Variants in NUP98 observed in about 807,000 individuals in gnomAD.
NUP98 encodes the protein nuclear pore complex protein Nup98-Nup96.
Under a neutral mutation model 191.9 loss-of-function variants are expected in NUP98, and 26 were observed. The observed-to-expected ratio is 0.14, with a 90% CI of 0.10 to 0.19. The LOEUF (loss-of-function observed/expected upper bound fraction) is 0.19. Among genes scored for constraint, NUP98 ranks in the 10% least tolerant of loss-of-function variants. The probability of loss-of-function intolerance (pLI) is 1.00; values close to 1 mark genes in which losing one functional copy is unlikely to be tolerated. For synonymous variants in NUP98, 808 were observed against 778.4 expected (o/e 1.04, Z -0.63); for missense variants, 1,941 against 2,178.8 (o/e 0.89, Z 2.17).
chr11:3,748,024 C>T (rs1439525243), intron 11 of NUP98, among the ~76,000 whole-genome samples: 2 of 152,126 alleles, frequency 1.3e-5, no homozygotes, highest in Non-Finnish European at 1.5e-5. Flanking sequence ...TTGTATTCAT[C>T]TTTTAGTTTA....
chr11:3,711,272 C>T (rs1035120026), intron 20 of NUP98, among the ~76,000 whole-genome samples: 1 of 152,090 alleles, frequency 6.6e-6, no homozygotes, highest in Non-Finnish European at 1.5e-5. Flanking sequence ...ATTTTAAATC[C>T]TTACTACCTC....
intron 18 of NUP98, among the ~76,000 whole-genome samples, chr11:3,717,356 G>A (rs2079221630): frequency 2.0e-5 from 3 of 152,018 alleles, no homozygotes; most frequent in African/African-American, 7.2e-5. Context: ...ATCTGTGTCT[G>A]GTGTACTTTC....
intron 8 of NUP98, among the ~76,000 whole-genome samples, chr11:3,766,575 G>A (rs1164995854): frequency 6.6e-6 from 1 of 151,240 alleles, no homozygotes; most frequent in Non-Finnish European, 1.5e-5. Context: ...TGCAATCCCA[G>A]CTATGTGGGA....
chr11:3,738,350 CA>C (rs1329319949), intron 12 of NUP98, among the ~76,000 whole-genome samples: 4 of 151,972 alleles, frequency 2.6e-5, no homozygotes, highest in Admixed American at 2.6e-4. Context: ...AAAGAAATTT[CA>C]AAATAAAAGA....
intron 28 of NUP98, among the ~76,000 whole-genome samples, chr11:3,690,545 C>T (rs964722936): frequency 1.3e-5 from 2 of 152,194 alleles, no homozygotes; most frequent in African/African-American, 4.8e-5. Flanking sequence ...CAGGCGTGAG[C>T]CACCGCACCC....
rs1479568735 is a variant in NUP98, at chr11:3,700,724, T to C, written c.3628A>G (p.Thr1210Ala). The change falls in exon 24 of 33, where the codon ACT becomes GCT. Residue 1210 changes from threonine (T) to alanine (A), a missense_variant. Transcript: ENST00000324932. Reference sequence around the variant, plus strand: ...GGACACAGTTCATCCACATGGACAGTGCTGTGTTTTAATTTGAGCTCCAGA... The same window carrying C: ...GGACACAGTTCATCCACATGGACAGCGCTGTGTTTTAATTTGAGCTCCAGA... ...TPLELKLKHSTVHVDELCPLI... is the reference protein window; with the variant it reads ...TPLELKLKHSAVHVDELCPLI... The C allele has an allele frequency of 1.2e-6, 2 of 1,613,882 alleles. No individual in the cohort carries two copies. The highest frequency in any genetic ancestry group is 2.2e-5 in the East Asian group (1 of 44,892).
At chr11:3,780,141 T>C (rs991623706) in intron 2 of NUP98, among the ~76,000 whole-genome samples, 5 of 152,042 alleles carry the variant, frequency 3.3e-5, no homozygotes, top group Non-Finnish European at 7.4e-5. Context: ...AATAAAAACT[T>C]CCAAAGGTGA....
At chr11:3,700,390 G>A (rs2134102522) in intron 24 of NUP98, among the ~76,000 whole-genome samples, 1 of 152,028 alleles carries the variant, frequency 6.6e-6, no homozygotes, top group Non-Finnish European at 1.5e-5. Context: ...AGTTCTTTGT[G>A]GAAGAATTTG....
At chr11:3,712,251 A>AC in intron 20 of NUP98, 1 of 1,136,496 alleles carries the variant, frequency 8.8e-7, no homozygotes, top group East Asian at 4.3e-5. Flanking sequence ...GCATGAACCC[A>AC]CATGAGCAAA....
In NUP98 at chr11:3,713,926, T is replaced by C; in HGVS notation, c.2469A>G (p.Pro823=). ...CATAGTTGATATCAGCAAGGCGATC[T>C]GGGCTCTTTATTAAACAACGAGATG... The part of the protein sequence containing the change: ...DKTSRCLIKS[P]DRLADINYEG... Residue 823 remains proline, a synonymous_variant, in exon 19 of 33, where the codon CCA becomes CCG. Transcript: ENST00000324932. 1 of 1,614,184 alleles carries C rather than the reference T, an allele frequency of 6.2e-7. No individual in the cohort carries two copies. Among genetic ancestry groups the C allele is most frequent in the Non-Finnish European group, 8.5e-7 (1 of 1,180,022 alleles).
rs779139306 is a variant in NUP98 at position 3,725,136 on chromosome 11, G to A, written c.1814C>T (p.Ala605Val). 6.3e-7 allele frequency: 1 copy of A among 1,592,308 alleles called. No individual in the cohort carries two copies. The highest frequency in any genetic ancestry group is 1.3e-5 in the African/African-American group (1 of 74,440). ...SPVNRDSENL[A>V]SPSEYPENGE... ...ATTTTCTGGATATTCAGATGGTGAAGCTAGATTTTCTGAATCACGATTAAC... is the reference window on the plus strand; with the variant it reads ...ATTTTCTGGATATTCAGATGGTGAAACTAGATTTTCTGAATCACGATTAAC... Residue 605 changes from alanine to valine, a missense_variant, in exon 15 of 33, where the codon GCT becomes GTT. By Grantham distance (64) the Ala-to-Val change is moderately conservative. Transcript: ENST00000324932.
chr11:3,741,647 G>A (rs2080290581), intron 12 of NUP98, among the ~76,000 whole-genome samples: 1 of 151,980 alleles, frequency 6.6e-6, no homozygotes. Flanking sequence ...CAAAAAGACT[G>A]AGAAGACAAC....
chr11:3,703,671 T>G (rs2078776649), intron 22 of NUP98, among the ~76,000 whole-genome samples: 1 of 152,080 alleles, frequency 6.6e-6, no homozygotes, highest in Non-Finnish European at 1.5e-5. Flanking sequence ...CTTATCAGAA[T>G]CCTAAAGGTA....
At chr11:3,695,345 G>C in intron 26 of NUP98, 104 bp downstream of exon 26, 4 of 1,056,428 alleles carry the variant, frequency 3.8e-6, no homozygotes, top group South Asian at 5.1e-5. Flanking sequence ...AACATTTTGT[G>C]TAACTGTGCA....
At chr11:3,686,243 G>T in intron 28 of NUP98, 49 bp from the exon 29 acceptor site, 1 of 1,521,070 alleles carries the variant, frequency 6.6e-7, no homozygotes, top group Non-Finnish European at 9.1e-7. Context: ...GAGACGGCCT[G>T]GACTGATATG....
chr11:3,729,146 T>G (rs1190079831), intron 14 of NUP98, among the ~76,000 whole-genome samples: 2 of 152,032 alleles, frequency 1.3e-5, no homozygotes, highest in East Asian at 1.9e-4. Flanking sequence ...AGATAAAAAT[T>G]TGGGAATCAT....
At chr11:3,693,556 T>C (rs895233325) in intron 26 of NUP98, among the ~76,000 whole-genome samples, 181 bp from the exon 27 acceptor site, 1 of 152,242 alleles carries the variant, frequency 6.6e-6, no homozygotes, top group African/African-American at 2.4e-5. Flanking sequence ...TTGTTTTTAT[T>C]GACCAACTGA....
At chr11:3,731,366 T>C (rs200014800) in intron 14 of NUP98, 25 bp downstream of exon 14, 4 of 1,475,040 alleles carry the variant, frequency 2.7e-6, no homozygotes, top group African/African-American at 1.4e-5. Context: ...TTACACTTAA[T>C]TTCTGTTAAC....
chr11:3,750,313 GTC>G (rs1190074423), intron 11 of NUP98, among the ~76,000 whole-genome samples: 1 of 151,528 alleles, frequency 6.6e-6, no homozygotes, highest in Non-Finnish European at 1.5e-5. Context: ...TACAGAGAGG[GTC>G]TCCCTACATT....
Sources: allele counts gnomAD v4.1 joint callset (sites outside exome capture counted in the v4.1 genomes callset), GRCh38; gene constraint gnomAD v4.1.1; transcripts MANE v1.5; gene names NCBI Gene and HGNC (gene_info 2026-07-23, HGNC 2026-07-21).